TNIK: variants seen among roughly 807,000 people sequenced by gnomAD.
The protein encoded by TNIK is TRAF2 and NCK-interacting protein kinase.
A neutral mutation model predicts 191.3 loss-of-function variants in TNIK; 49 were observed. The ratio of observed to expected loss-of-function variants is 0.26; its 90% CI spans 0.20 to 0.32. TNIK has a LOEUF of 0.32. TNIK is among the 10% of genes least tolerant of loss of function. The probability of loss-of-function intolerance (pLI) is 1.00; values close to 1 mark genes in which losing one functional copy is unlikely to be tolerated. For missense variants in TNIK, 1,155 were observed against 1,702.3 expected (o/e 0.68, Z 5.66); for synonymous variants, 594 against 600.9 (o/e 0.99, Z 0.17).
Position 171,159,202 on chromosome 3 carries a change from G to A in TNIK, c.1017-1538C>T, listed in dbSNP as rs992080763. 8.5e-5 allele frequency among the ~76,000 whole-genome samples: 13 copies of A among 152,084 alleles called. No individual in the cohort carries two copies. The highest frequency in any genetic ancestry group is 2.7e-4 in the African/African-American group (11 of 41,394). On this transcript the variant is annotated intron_variant, in intron 11 of 32. Transcript: ENST00000436636. This position sits in a 1 kb window ranked among gnomAD's most constrained non-coding sequence, Gnocchi z 4.1. Reference sequence around the variant, plus strand: ...ACACCACCCAGGGCGAGAGCAGAGCGGGTGGAGGAGGGAAGGAGCGTTTGG... The same window carrying A: ...ACACCACCCAGGGCGAGAGCAGAGCAGGTGGAGGAGGGAAGGAGCGTTTGG...
At chr3:171,168,404 C>G (rs1350215289) in intron 9 of TNIK, among the ~76,000 whole-genome samples, 1 of 152,170 alleles carries the variant, frequency 6.6e-6, no homozygotes, top group Non-Finnish European at 1.5e-5. Flanking sequence ...CCGGCAGTCC[C>G]TGCATACATA....
chr3:171,427,098 T>C (rs1046198219), intron 1 of TNIK, among the ~76,000 whole-genome samples: 4 of 152,206 alleles, frequency 2.6e-5, no homozygotes, highest in African/African-American at 9.6e-5. Flanking sequence ...TGTTAGTTGA[T>C]GTATTATTCT....
intron 1 of TNIK, among the ~76,000 whole-genome samples, chr3:171,439,073 A>C (rs1232528716): frequency 6.6e-6 from 1 of 152,224 alleles, no homozygotes; most frequent in South Asian, 2.1e-4. Flanking sequence ...AGCCAGGCAC[A>C]GTGGCTCACG....
chr3:171,210,699 T>C (rs1017433193), intron 4 of TNIK, among the ~76,000 whole-genome samples: 22 of 152,312 alleles, frequency 1.4e-4, no homozygotes, highest in African/African-American at 5.3e-4. Flanking sequence ...TGGAACAGTT[T>C]ATTCATTTTT....
chr3:171,214,065 TG>T lies in TNIK; in HGVS notation c.181-2825del, dbSNP rs377377219. Among the ~76,000 whole-genome samples the T allele has an allele frequency of 1.4e-4, 21 of 152,190 alleles. No individual in the cohort carries two copies. The South Asian group carries it at 4.4e-3, about 32-fold the overall frequency. On this transcript the variant is annotated intron_variant, in intron 3 of 32. Coordinates refer to ENST00000436636, the MANE Select transcript of TNIK (RefSeq NM_015028.4). Reference sequence around the variant, plus strand: ...ACAGTTATGGAACCACTGTAAGACATGGTTAGGTAGTTCTAAAATATAAATC... The same window carrying T: ...ACAGTTATGGAACCACTGTAAGACATGTTAGGTAGTTCTAAAATATAAATC...
In TNIK at chr3:171,060,389, A is replaced by G. The variant is rs1434710646; in HGVS notation, c.*3492T>C. ...TAGTAGGTTTTGACAACCAGGAACT[A>G]AGGTGTTTTTAAAAAACATGTACTT... On this transcript the variant is annotated 3_prime_UTR_variant, in exon 33 of 33. Coordinates refer to ENST00000436636, the MANE Select transcript of TNIK (RefSeq NM_015028.4). 2.0e-5 allele frequency among the ~76,000 whole-genome samples: 3 copies of G among 152,158 alleles called. No homozygotes were observed. The highest frequency in any genetic ancestry group is 2.9e-5 in the Non-Finnish European group (2 of 68,024).
chr3:171,300,629 T>C (rs552602744), intron 2 of TNIK, among the ~76,000 whole-genome samples: 6 of 152,288 alleles, frequency 3.9e-5, no homozygotes, highest in African/African-American at 1.4e-4. Context: ...TGATGAAATA[T>C]TCAAATATCC....
chr3:171,355,086 C>A (rs1713832487), intron 2 of TNIK, among the ~76,000 whole-genome samples: 1 of 152,150 alleles, frequency 6.6e-6, no homozygotes, highest in African/African-American at 2.4e-5. Flanking sequence ...CGTAGGCATT[C>A]GTCTTATTCA....
chr3:171,212,829 T>G (rs575704965), intron 3 of TNIK, among the ~76,000 whole-genome samples: 1 of 152,168 alleles, frequency 6.6e-6, no homozygotes. Context: ...GTGAGGAGAA[T>G]AGTGAAGTGC....
chr3:171,402,537 T>C lies in TNIK; in HGVS notation c.58-32852A>G, dbSNP rs560060507. Reference sequence around the variant, plus strand: ...CCAAAACCAAGGGAAATACTGCTATTATTGTTAATAAAGTGTGAAAATTTT... The same window carrying C: ...CCAAAACCAAGGGAAATACTGCTATCATTGTTAATAAAGTGTGAAAATTTT... On this transcript the variant is annotated intron_variant, in intron 1 of 32. Coordinates refer to ENST00000436636, the MANE Select transcript of TNIK (RefSeq NM_015028.4). 5.9e-5 allele frequency among the ~76,000 whole-genome samples: 9 copies of C among 152,320 alleles called. No homozygotes were observed. In the South Asian group the frequency reaches 1.9e-3, roughly 32 times the overall value.
intron 10 of TNIK, among the ~76,000 whole-genome samples, chr3:171,162,800 T>G (rs1734173347): frequency 6.6e-6 from 1 of 152,214 alleles, no homozygotes; most frequent in Admixed American, 6.5e-5. Flanking sequence ...TAATAAAAGG[T>G]CAATCTAGGA....
intron 2 of TNIK, among the ~76,000 whole-genome samples, chr3:171,235,790 A>T (rs1744195544): frequency 6.6e-6 from 1 of 151,208 alleles, no homozygotes; most frequent in Non-Finnish European, 1.5e-5. Context: ...TTATAGAGTG[A>T]GATTTTAGTA....
At chr3:171,409,357 A>T (rs1722105491) in intron 1 of TNIK, among the ~76,000 whole-genome samples, 2 of 152,196 alleles carry the variant, frequency 1.3e-5, no homozygotes, top group Non-Finnish European at 2.9e-5. Context: ...CATGGAAGGT[A>T]TTTGATAAAC....
Position 171,062,852 on chromosome 3 carries a change from TATC to T in TNIK, c.*1026_*1028del, listed in dbSNP as rs1717969410. ...GCGCTGGGAATGTTCAGAGCCTGAA[TATC>T]ATCCACTCTCCAAGTCCCAGAAAGA... On this transcript the variant is annotated 3_prime_UTR_variant, in exon 33 of 33. Transcript: ENST00000436636. The T allele has an allele frequency of 6.6e-6, 1 of 152,144 alleles. No individual in the cohort carries two copies. Among genetic ancestry groups the T allele is most frequent in the Admixed American group, 6.6e-5 (1 of 15,266 alleles). 9.4% of individuals were successfully genotyped at this position (152,144 alleles called of 1,614,324 possible). A position where few individuals can be genotyped will look rare whatever the true frequency, so the allele number is the denominator to read the frequency against.
intron 12 of TNIK, among the ~76,000 whole-genome samples, chr3:171,151,990 G>C (rs1560186879): frequency 6.6e-6 from 1 of 152,140 alleles, no homozygotes; most frequent in Non-Finnish European, 1.5e-5. Flanking sequence ...TAAGAGAAGA[G>C]TGAATGGTGA....
intron 3 of TNIK, 151 bp downstream of exon 3, chr3:171,228,014 C>T (rs1743156006): frequency 1.2e-6 from 1 of 851,332 alleles, no homozygotes; most frequent in East Asian, 2.6e-5. Context: ...GTAGGCTAGG[C>T]TAAGCTATGA....
intron 4 of TNIK, among the ~76,000 whole-genome samples, chr3:171,200,783 A>C (rs1199021450): frequency 6.6e-6 from 1 of 152,204 alleles, no homozygotes; most frequent in Admixed American, 6.5e-5. Flanking sequence ...AAGGCAGTCA[A>C]AGGTTTGGAT....
chr3:171,203,105 G>A (rs540102893), intron 4 of TNIK, among the ~76,000 whole-genome samples: 26 of 151,402 alleles, frequency 1.7e-4, no homozygotes, highest in African/African-American at 5.6e-4. Context: ...CAACCTCCAC[G>A]TCACACAAGG....
chr3:171,254,308 A>G (rs1426476222), intron 2 of TNIK, among the ~76,000 whole-genome samples: 1 of 152,188 alleles, frequency 6.6e-6, no homozygotes, highest in East Asian at 1.9e-4. Context: ...CGGACCCCAA[A>G]GACCACACCA....
Sources: allele counts gnomAD v4.1 joint callset (sites outside exome capture counted in the v4.1 genomes callset), GRCh38; gene constraint gnomAD v4.1.1; non-coding constraint Gnocchi (gnomAD v3.1); transcripts MANE v1.5; gene names NCBI Gene and HGNC (gene_info 2026-07-23, HGNC 2026-07-21).